Variants in DNAH5 observed in about 807,000 individuals in gnomAD.
The protein encoded by DNAH5 is dynein axonemal heavy chain 5.
DNAH5 carries 372 observed loss-of-function variants against 518.2 expected under a neutral mutation model. The observed-to-expected ratio is 0.72, with a 90% CI of 0.66 to 0.78. The LOEUF (loss-of-function observed/expected upper bound fraction) is 0.78, where lower values mean the gene tolerates loss of function less well. Among genes scored for constraint, DNAH5 ranks in the 30% least tolerant of loss-of-function variants. The pLI, the probability that DNAH5 is intolerant of heterozygous loss-of-function variation, is 0.00. For synonymous variants in DNAH5, 2,039 were observed against 2,025.9 expected (o/e 1.01, Z -0.17); for missense variants, 5,523 against 5,687.0 (o/e 0.97, Z 0.93).
At chr5:13,899,123 GT>G in intron 15 of DNAH5, 1 of 152,398 alleles carries the variant, frequency 6.6e-6, no homozygotes, top group Non-Finnish European at 1.5e-5. Flanking sequence ...TAGAGACGGG[GT>G]TTCACCACGT....
chr5:13,955,145 C>A (rs1239478174), intron 1 of DNAH5, among the ~76,000 whole-genome samples: 1 of 152,136 alleles, frequency 6.6e-6, no homozygotes, highest in Non-Finnish European at 1.5e-5. Context: ...CGTCCCCCAA[C>A]TGCTGTCTCG....
chr5:13,790,790 G>C (rs1264233659), intron 50 of DNAH5, among the ~76,000 whole-genome samples: 1 of 152,102 alleles, frequency 6.6e-6, no homozygotes, highest in African/African-American at 2.4e-5. Flanking sequence ...AAATTACCCA[G>C]TCTCCAGCAG....
At chr5:13,920,968 G>T (rs1184331217) in intron 5 of DNAH5, among the ~76,000 whole-genome samples, 1 of 138,652 alleles carries the variant, frequency 7.2e-6, no homozygotes, top group Non-Finnish European at 1.5e-5. Flanking sequence ...TTTTTAGATA[G>T]AATGCCAGCA....
intron 75 of DNAH5, among the ~76,000 whole-genome samples, chr5:13,713,464 T>TATAC (rs1554018871): frequency 1.7e-5 from 2 of 118,770 alleles, no homozygotes; most frequent in Non-Finnish European, 3.2e-5. Flanking sequence ...TATATATATA[T>TATAC]ATACACACAC....
rs1232358903 is a variant in DNAH5, at chr5:13,829,630, C to T, written c.6324G>A (p.Val2108=). ...KINFRSVAMM[V]PDRQIIIRVK... ...CCCTTATGATAATCTGACGGTCAGG[C>T]ACCATCATGGCCACTGAGCGGAAAT... The change falls in exon 38 of 79, where the codon GTG becomes GTA. Residue 2108 remains valine (V), a synonymous_variant. Transcript: ENST00000265104. The T allele has an allele frequency of 6.2e-7, 1 of 1,614,200 alleles. No individual in the cohort carries two copies. The highest frequency in any genetic ancestry group is 1.3e-5 in the African/African-American group (1 of 75,062).
In DNAH5 at chr5:13,751,115, T is replaced by A. The variant is rs1256981671; in HGVS notation, c.11174A>T (p.Asp3725Val). 1.2e-6 allele frequency: 2 copies of A among 1,613,988 alleles called. No homozygotes were observed. The highest frequency in any genetic ancestry group is 3.3e-5 in the Admixed American group (2 of 60,006). ...GAGAATGACCCTCCCCAGTAACTGA[T>A]CTTCTAGACCTTTCATGGTGACAGT... ...DFTVTMKGLE[D>V]QLLGRVILTE... The change falls in exon 65 of 79, where the codon GAT becomes GTT. Residue 3725 changes from aspartate to valine, a missense_variant. Physicochemically the swap from Asp to Val is radical, Grantham distance 152 (BLOSUM62 -3). Around this residue, in one of 3 missense-constraint regions of DNAH5, gnomAD observed 5,121 missense variants for 5,223.3 expected, o/e 0.98. Transcript: ENST00000265104.
intron 45 of DNAH5, among the ~76,000 whole-genome samples, 184 bp downstream of exon 45, chr5:13,809,875 T>C (rs1182056100): frequency 6.6e-6 from 1 of 152,236 alleles, no homozygotes; most frequent in Non-Finnish European, 1.5e-5. Flanking sequence ...AAATGTGCAT[T>C]TGAAATACAA....
At chr5:13,830,562 C>T in intron 36 of DNAH5, 35 bp downstream of exon 36, 1 of 1,609,084 alleles carries the variant, frequency 6.2e-7, no homozygotes, top group Non-Finnish European at 8.5e-7. Context: ...ACCTTGGCTG[C>T]AATTTCTCAC....
intron 36 of DNAH5, 67 bp downstream of exon 36, chr5:13,830,530 A>C: frequency 6.3e-7 from 1 of 1,582,684 alleles, no homozygotes; most frequent in Non-Finnish European, 8.7e-7. Context: ...ATTGTTGAAA[A>C]CAAATTTTAG....
At chr5:13,875,731 A>G (rs1040112026) in intron 22 of DNAH5, among the ~76,000 whole-genome samples, 10 of 152,194 alleles carry the variant, frequency 6.6e-5, no homozygotes, top group Admixed American at 2.0e-4. Context: ...ATAAATATTT[A>G]TTGAGTTACC....
At chr5:13,721,299 AT>A in intron 70 of DNAH5, 54 bp from the exon 71 acceptor site, 9 of 1,611,486 alleles carry the variant, frequency 5.6e-6, no homozygotes, top group Middle Eastern at 1.6e-4. Flanking sequence ...TTTCATGTAG[AT>A]AATGTAGTGT....
Position 13,693,554 on chromosome 5 carries a change from G to A in DNAH5, c.13724-1419C>T, listed in dbSNP as rs996885266. ...CCTAAAGCCGTGATTCTTAACCAGG[G>A]ACAATTCTACTTACGGAGGACATTT... On this transcript the variant is annotated intron_variant, in intron 78 of 78. Transcript: ENST00000265104. Among the ~76,000 whole-genome samples, 12 of 152,266 alleles carry A rather than the reference G, an allele frequency of 7.9e-5. No individual in the cohort carries two copies. The East Asian group carries it at 2.3e-3, about 29-fold the overall frequency.
chr5:13,824,075 C>A, intron 39 of DNAH5, 124 bp downstream of exon 39: 1 of 1,021,946 alleles, frequency 9.8e-7, no homozygotes, highest in South Asian at 1.3e-5. Context: ...TGCTCTCCAG[C>A]ACTTTATCTG....
chr5:13,916,788 TA>T lies in DNAH5; in HGVS notation c.1090-334del, dbSNP rs559651339. Among the ~76,000 whole-genome samples the T allele has an allele frequency of 9.9e-5, 15 of 151,132 alleles. 1 individual carries two copies. Among genetic ancestry groups the T allele is most frequent in the African/African-American group, 2.2e-4 (9 of 41,316 alleles). On this transcript the variant is annotated intron_variant, in intron 8 of 78. Transcript: ENST00000265104. ...CAGGCACTTCCGAAAGCTAAAAGATTAAAAAAAAACATCACTAGCTAATGAC... is the reference window on the plus strand; with the variant it reads ...CAGGCACTTCCGAAAGCTAAAAGATTAAAAAAAACATCACTAGCTAATGAC...
intron 1 of DNAH5, among the ~76,000 whole-genome samples, chr5:13,966,194 T>C (rs1279583759): frequency 6.6e-6 from 1 of 150,620 alleles, no homozygotes; most frequent in African/African-American, 2.4e-5. Context: ...CTGAGTAGTA[T>C]TCCATGGTGT....
At chr5:13,719,332 T>C (rs980951885) in intron 71 of DNAH5, among the ~76,000 whole-genome samples, 1 of 152,212 alleles carries the variant, frequency 6.6e-6, no homozygotes, top group Non-Finnish European at 1.5e-5. Flanking sequence ...ACCAATACTA[T>C]ATGGTCGCAA....
chr5:13,790,610 A>G (rs1296688679), intron 50 of DNAH5, among the ~76,000 whole-genome samples: 6 of 152,100 alleles, frequency 3.9e-5, no homozygotes, highest in Non-Finnish European at 8.8e-5. Flanking sequence ...TTCTCACAAG[A>G]TCTTATGGTT....
At chr5:13,880,976 G>A (rs1771593610) in intron 21 of DNAH5, among the ~76,000 whole-genome samples, 1 of 151,916 alleles carries the variant, frequency 6.6e-6, no homozygotes, top group South Asian at 2.1e-4. Flanking sequence ...CAGATTGAAA[G>A]TGAAGGGATG....
chr5:13,983,856 C>A (rs1782851935), intron 1 of DNAH5, among the ~76,000 whole-genome samples: 1 of 152,218 alleles, frequency 6.6e-6, no homozygotes, highest in African/African-American at 2.4e-5. Flanking sequence ...ATCACTCAGA[C>A]AATTTTCAGA....
Sources: allele counts gnomAD v4.1 joint callset (sites outside exome capture counted in the v4.1 genomes callset), GRCh38; gene constraint gnomAD v4.1.1; regional missense constraint gnomAD v4.1.1; transcripts MANE v1.5; gene names NCBI Gene and HGNC (gene_info 2026-07-23, HGNC 2026-07-21).